The following FHIT variants were observed in gnomAD, a reference collection of about 807,000 sequenced individuals.
FHIT encodes the protein fragile histidine triad diadenosine triphosphatase.
FHIT carries 19 observed loss-of-function variants against 17.9 expected under a neutral mutation model. That is an observed-to-expected ratio of 1.06 (90% CI 0.74 to 1.56). FHIT has a LOEUF of 1.56. Ranked by LOEUF, FHIT falls within the 40% of genes most tolerant of loss-of-function variation. The pLI is 0.00. For missense variants in FHIT, 248 were observed against 189.2 expected (o/e 1.31, Z -1.82); for synonymous variants, 81 against 69.7 (o/e 1.16, Z -0.81).
chr3:60,890,362 A>G (rs1480015110), intron 3 of FHIT, among the ~76,000 whole-genome samples: 1 of 152,176 alleles, frequency 6.6e-6, no homozygotes, highest in Admixed American at 6.5e-5. Context: ...GCATAGCCGA[A>G]AGCTGAATGC....
At chr3:60,761,023 T>G (rs1333703529) in intron 4 of FHIT, among the ~76,000 whole-genome samples, 1 of 152,140 alleles carries the variant, frequency 6.6e-6, no homozygotes, top group Non-Finnish European at 1.5e-5. Flanking sequence ...TTTAATAGCT[T>G]TCTTATAAAT....
intron 3 of FHIT, among the ~76,000 whole-genome samples, chr3:60,901,472 T>C (rs1706109019): frequency 2.6e-5 from 4 of 152,020 alleles, no homozygotes; most frequent in Admixed American, 6.5e-5. Flanking sequence ...ATGGGCTCAC[T>C]TGCACTTAAG....
At chr3:60,600,955 T>C (rs1324939426) in intron 4 of FHIT, among the ~76,000 whole-genome samples, 1 of 152,142 alleles carries the variant, frequency 6.6e-6, no homozygotes, top group African/African-American at 2.4e-5. Context: ...AGACTGGAAT[T>C]GAGCTCCCCT....
At chr3:60,504,289 C>T (rs1311763279) in intron 5 of FHIT, among the ~76,000 whole-genome samples, 4 of 152,040 alleles carry the variant, frequency 2.6e-5, no homozygotes, top group African/African-American at 7.2e-5. Flanking sequence ...CAAAAATTAG[C>T]TGGGCATGGT....
rs1553677010 is a variant in FHIT, at chr3:59,788,893, T to TTTTTTTA, written c.349-36573_349-36572insTAAAAAA. On this transcript the variant is annotated intron_variant, in intron 8 of 9. Coordinates refer to ENST00000492590, the MANE Select transcript of FHIT (RefSeq NM_002012.4). ...GCTGAGTTCATATGTTTTTTTTTTT[T>TTTTTTTA]ACCCCATCTCCAAACAGCAAGTAAT... Among the ~76,000 whole-genome samples the TTTTTTTA allele has an allele frequency of 1.6e-4, 24 of 147,544 alleles. 1 individual carries two copies. The highest frequency in any genetic ancestry group is 5.3e-4 in the African/African-American group (21 of 39,966).
chr3:60,389,815 T>G (rs1026490046), intron 5 of FHIT, among the ~76,000 whole-genome samples: 5 of 152,138 alleles, frequency 3.3e-5, no homozygotes, highest in Non-Finnish European at 5.9e-5. Context: ...ATTTTGTGTT[T>G]GACTAACTGT....
At chr3:60,056,519 T>A (rs977068769) in intron 5 of FHIT, among the ~76,000 whole-genome samples, 1 of 152,348 alleles carries the variant, frequency 6.6e-6, no homozygotes, top group Admixed American at 6.5e-5. Flanking sequence ...CATCAGCAGT[T>A]AGATTCCAAG....
rs181165132 is a variant in FHIT, at chr3:60,279,345, T to C, written c.103+257515A>G. On this transcript the variant is annotated intron_variant, in intron 5 of 9. Coordinates refer to ENST00000492590, the MANE Select transcript of FHIT (RefSeq NM_002012.4). ...CTACCAAAACTCACAAAAAGAGAAATAGATAATCTGAATAGGTCTATTCAG... is the reference window on the plus strand; with the variant it reads ...CTACCAAAACTCACAAAAAGAGAAACAGATAATCTGAATAGGTCTATTCAG... Among the ~76,000 whole-genome samples the C allele has an allele frequency of 5.3e-4, 80 of 152,214 alleles. 1 individual carries two copies. Among genetic ancestry groups the C allele is most frequent in the African/African-American group, 1.7e-3 (71 of 41,566 alleles).
intron 5 of FHIT, among the ~76,000 whole-genome samples, chr3:60,094,387 C>T (rs1353180806): frequency 6.6e-6 from 1 of 152,052 alleles, no homozygotes; most frequent in Non-Finnish European, 1.5e-5. Context: ...GCTTATGAAA[C>T]TCACAGTTTT....
Position 59,749,514 on chromosome 3 carries a change from G to GT in FHIT, c.*70_*71insA, listed in dbSNP as rs1700766666. 8.1e-6 allele frequency: 1 copy of GT among 124,214 alleles called. No homozygotes were observed. The allele number at this position is 124,214 out of a possible 1,614,324, so 7.7% of individuals were successfully genotyped here. ...CTGATTCAGTTCCTCTTGGGGAGAG[G>GT]CGGGGGGCGGTCTTCAAACTGGTTG... is the stretch of plus-strand genomic sequence containing the variant. On this transcript the variant is annotated 3_prime_UTR_variant, in exon 10 of 10. Coordinates refer to ENST00000492590, the MANE Select transcript of FHIT (RefSeq NM_002012.4).
chr3:60,316,240 A>G (rs538101795), intron 5 of FHIT, among the ~76,000 whole-genome samples: 2 of 152,196 alleles, frequency 1.3e-5, no homozygotes, highest in African/African-American at 4.8e-5. Flanking sequence ...TGTCAAAATA[A>G]TATTACTCTT....
At chr3:61,166,288 G>A (rs1310777700) in intron 2 of FHIT, among the ~76,000 whole-genome samples, 1 of 152,188 alleles carries the variant, frequency 6.6e-6, no homozygotes, top group Non-Finnish European at 1.5e-5. Flanking sequence ...CACATTGCCA[G>A]TCCTCACAGT....
intron 5 of FHIT, among the ~76,000 whole-genome samples, chr3:60,249,953 C>G (rs571492320): frequency 6.6e-6 from 1 of 152,204 alleles, no homozygotes; most frequent in East Asian, 1.9e-4. Flanking sequence ...ATAAAACCAT[C>G]AGATCTTGTG....
At chr3:59,896,928 A>T (rs1447419299) in intron 8 of FHIT, among the ~76,000 whole-genome samples, 1 of 152,158 alleles carries the variant, frequency 6.6e-6, no homozygotes, top group Non-Finnish European at 1.5e-5. Flanking sequence ...GAAGCCAGAA[A>T]CATGTTAGCA....
intron 3 of FHIT, among the ~76,000 whole-genome samples, chr3:60,945,298 G>A (rs1273022148): frequency 6.6e-6 from 1 of 152,194 alleles, no homozygotes; most frequent in Non-Finnish European, 1.5e-5. Flanking sequence ...AGAGTGGTAT[G>A]AGACTAGGTA....
At chr3:61,097,723 A>T (rs2035686733) in intron 2 of FHIT, among the ~76,000 whole-genome samples, 1 of 151,796 alleles carries the variant, frequency 6.6e-6, no homozygotes, top group East Asian at 1.9e-4. Context: ...CTTTTTTTTC[A>T]GATTTTTGTT....
chr3:60,240,861 G>A (rs1705094526), intron 5 of FHIT, among the ~76,000 whole-genome samples: 1 of 151,908 alleles, frequency 6.6e-6, no homozygotes, highest in African/African-American at 2.4e-5. Flanking sequence ...AAATAAACCA[G>A]GAAATAGGGA....
intron 3 of FHIT, among the ~76,000 whole-genome samples, chr3:61,023,864 A>G (rs2032591165): frequency 6.6e-6 from 1 of 152,180 alleles, no homozygotes; most frequent in Non-Finnish European, 1.5e-5. Context: ...TAGATTAAAG[A>G]CTTAAACATA....
At chr3:61,104,377 A>G (rs79355146) in intron 2 of FHIT, among the ~76,000 whole-genome samples, 8,503 of 151,996 alleles carry the variant, frequency 0.056, 325 homozygotes, top group Middle Eastern at 0.17. Flanking sequence ...TTTTCTTTAA[A>G]ACTGTTGAAC....
Sources: allele counts gnomAD v4.1 joint callset (sites outside exome capture counted in the v4.1 genomes callset), GRCh38; gene constraint gnomAD v4.1.1; transcripts MANE v1.5; gene names NCBI Gene and HGNC (gene_info 2026-07-23, HGNC 2026-07-21).